Variants in ACO1 observed in about 807,000 individuals in gnomAD.
ACO1 encodes aconitase 1, also known as cytoplasmic aconitate hydratase.
In ACO1, 78 loss-of-function variants were observed where a neutral mutation model predicts 105.1. That is an observed-to-expected ratio of 0.74 (90% CI 0.62 to 0.90). ACO1 has a LOEUF of 0.90. Among genes scored for constraint, ACO1 ranks in the 40% least tolerant of loss-of-function variants. ACO1 has a pLI of 0.00. For synonymous variants in ACO1, 364 were observed against 397.4 expected (o/e 0.92, Z 1.00); for missense variants, 965 against 1,111.1 (o/e 0.87, Z 1.87).
At chr9:32,440,383 C>A in intron 18 of ACO1, 82 bp from the exon 19 acceptor site, 1 of 1,567,364 alleles carries the variant, frequency 6.4e-7, no homozygotes, top group Non-Finnish European at 8.7e-7. Context: ...CCCATCCAGC[C>A]CCGCCCTCAC....
chr9:32,387,124 C>T (rs958363047), intron 1 of ACO1, among the ~76,000 whole-genome samples: 1 of 152,196 alleles, frequency 6.6e-6, no homozygotes, highest in African/African-American at 2.4e-5. Context: ...TTCCCCCACT[C>T]TTCCTTCTAC....
intron 13 of ACO1, among the ~76,000 whole-genome samples, chr9:32,429,839 GTTGT>G (rs1249934217): frequency 1.3e-5 from 2 of 152,190 alleles, no homozygotes; most frequent in African/African-American, 4.8e-5. Flanking sequence ...GGGCTCTACA[GTTGT>G]TTGTTATAGG....
intron 15 of ACO1, among the ~76,000 whole-genome samples, chr9:32,432,089 T>G (rs1272473354): frequency 2.0e-5 from 3 of 152,142 alleles, no homozygotes; most frequent in African/African-American, 7.2e-5. Flanking sequence ...AAGAAAGGCC[T>G]CCTCAGGTTC....
chr9:32,427,274 A>T (rs751607737), intron 11 of ACO1, 27 bp from the exon 12 acceptor site: 6 of 1,613,572 alleles, frequency 3.7e-6, no homozygotes, highest in Non-Finnish European at 5.1e-6. Flanking sequence ...AGCCTCCCAC[A>T]CTGCATCTGT....
At position 32,408,511 on chromosome 9, in the gene ACO1, TA is replaced by T; in HGVS notation, c.267-2del. 1 of 1,614,000 alleles carries T rather than the reference TA, an allele frequency of 6.2e-7. No homozygotes were observed. The highest frequency in any genetic ancestry group is 8.5e-7 in the Non-Finnish European group (1 of 1,179,936). ...TTCTGCATTATTCTCTTTCTTCTCT[TA>T]GGGGTGTGCCCGCTGTGGTTGACTT... On this transcript the variant is annotated splice_acceptor_variant, in intron 3 of 20. Transcript: ENST00000309951. LOFTEE classifies it high-confidence loss of function.
At chr9:32,422,648 A>T (rs1308680051) in intron 8 of ACO1, among the ~76,000 whole-genome samples, 4 of 152,320 alleles carry the variant, frequency 2.6e-5, no homozygotes, top group Non-Finnish European at 5.9e-5. Context: ...ATTCCTGGTG[A>T]TGCAGCATCG....
chr9:32,450,622 C>T lies in ACO1; in HGVS notation c.*511C>T, dbSNP rs1280772697. On this transcript the variant is annotated 3_prime_UTR_variant, in exon 21 of 21. Transcript: ENST00000309951. ...CAGAGCAGTGATTCTCTCTTCTCTC[C>T]CCTTTTCCTTCAGAGTGAATCATCC... 1.8e-5 allele frequency: 3 copies of T among 163,896 alleles called. No homozygotes were observed. Among genetic ancestry groups the T allele is most frequent in the Non-Finnish European group, 4.0e-5 (3 of 75,606 alleles). The allele number at this position is 163,896 out of a possible 1,614,324, so 10.2% of individuals were successfully genotyped here. A position where few individuals can be genotyped will look rare whatever the true frequency, so the allele number is the denominator to read the frequency against.
chr9:32,414,326 G>T (rs1821804922), intron 4 of ACO1, among the ~76,000 whole-genome samples: 1 of 152,092 alleles, frequency 6.6e-6, no homozygotes, highest in African/African-American at 2.4e-5. Context: ...AGTCCGTGAG[G>T]CCATTCACAT....
intron 1 of ACO1, among the ~76,000 whole-genome samples, chr9:32,387,260 T>C (rs944489553): frequency 2.6e-5 from 4 of 152,204 alleles, no homozygotes; most frequent in African/African-American, 7.2e-5. Context: ...GACTTTAAAA[T>C]GAGGAGTTAG....
In ACO1 at chr9:32,448,916, C is replaced by A. The variant is rs776083510; in HGVS notation, c.2391C>A (p.Ala797=). Residue 797 remains alanine (A), a synonymous_variant, in exon 20 of 21, where the codon GCC becomes GCA. Coordinates refer to ENST00000309951, the MANE Select transcript of ACO1 (RefSeq NM_002197.3). Reference sequence around the variant, plus strand: ...ATCAGGGAATCAAAGCCGTCCTGGCCGAGAGCTACGAGCGCATTCACCGCA... The same window carrying A: ...ATCAGGGAATCAAAGCCGTCCTGGCAGAGAGCTACGAGCGCATTCACCGCA... ...PFLLGIKAVL[A]ESYERIHRSN... is the part of the protein sequence containing the mutation. 2 of 1,614,066 alleles carry A rather than the reference C, an allele frequency of 1.2e-6. No individual in the cohort carries two copies. Among genetic ancestry groups the A allele is most frequent in the African/African-American group, 1.3e-5 (1 of 74,906 alleles).
intron 2 of ACO1, 53 bp from the exon 3 acceptor site, chr9:32,407,208 C>A: frequency 1.3e-6 from 2 of 1,554,010 alleles, no homozygotes; most frequent in Non-Finnish European, 8.8e-7. Context: ...CCTTAAAGAG[C>A]GCTCTTAAGT....
chr9:32,386,553 C>T (rs1300830111), intron 1 of ACO1: 1 of 152,194 alleles, frequency 6.6e-6, no homozygotes, highest in Non-Finnish European at 1.5e-5. Flanking sequence ...ACTCCATCCT[C>T]CCTTTTGTTC....
At chr9:32,427,485 C>A (rs368256832) in intron 12 of ACO1, 49 bp downstream of exon 12, 41 of 1,609,978 alleles carry the variant, frequency 2.5e-5, no homozygotes, top group Non-Finnish European at 3.1e-5. Context: ...AATTGTATCC[C>A]TCATGTATCT....
At chr9:32,403,673 TGGGAGACTTGG>T (rs1476689547) in intron 1 of ACO1, among the ~76,000 whole-genome samples, 2 of 152,202 alleles carry the variant, frequency 1.3e-5, no homozygotes, top group Non-Finnish European at 2.9e-5. Context: ...CCAAAAATTT[TGGGAGACTTGG>T]GGCATCTGGC....
Position 32,450,170 on chromosome 9 carries a change from C to G in ACO1, c.*59C>G. On this transcript the variant is annotated 3_prime_UTR_variant, in exon 21 of 21. Coordinates refer to ENST00000309951, the MANE Select transcript of ACO1 (RefSeq NM_002197.3). ...AGCCGCACCACCAGCCAGCGCAGGC[C>G]CTGGTGGAGAGGCCTCCCTGGCTGC... The G allele has an allele frequency of 1.4e-6, 2 of 1,426,930 alleles. No individual in the cohort carries two copies. The highest frequency in any genetic ancestry group is 1.1e-5 in the South Asian group (1 of 87,242). The allele number at this position is 1,426,930 out of a possible 1,614,324, so 88.4% of individuals were successfully genotyped here. A position where few individuals can be genotyped will look rare whatever the true frequency, so the allele number is the denominator to read the frequency against.
chr9:32,407,708 A>G (rs1309905779), intron 3 of ACO1, among the ~76,000 whole-genome samples: 2 of 152,176 alleles, frequency 1.3e-5, no homozygotes, highest in Non-Finnish European at 2.9e-5. Flanking sequence ...AGTCCTGAGT[A>G]TCTTAGGGAA....
intron 15 of ACO1, among the ~76,000 whole-genome samples, chr9:32,433,257 CA>C (rs1446506174): frequency 6.6e-6 from 1 of 152,066 alleles, no homozygotes; most frequent in Non-Finnish European, 1.5e-5. Flanking sequence ...TTTCAGAGAC[CA>C]GGTCTTGCTT....
chr9:32,416,097 CTTT>C (rs11421318), intron 4 of ACO1, among the ~76,000 whole-genome samples: 4 of 137,862 alleles, frequency 2.9e-5, no homozygotes, highest in Non-Finnish European at 3.1e-5. Flanking sequence ...AATATGTTTT[CTTT>C]TTTTTTTTTT....
At chr9:32,435,216 G>A (rs771170140) in intron 17 of ACO1, among the ~76,000 whole-genome samples, 1 of 152,194 alleles carries the variant, frequency 6.6e-6, no homozygotes, top group Non-Finnish European at 1.5e-5. Flanking sequence ...CCCAATCTGA[G>A]TTTCCACGAG....
Sources: gnomAD v4.1 joint callset for allele counts (sites outside exome capture counted in the v4.1 genomes callset) on GRCh38, gnomAD v4.1.1 for gene constraint, MANE v1.5 for transcripts, NCBI Gene and HGNC (gene_info 2026-07-23, HGNC 2026-07-21) for gene names.